PARG: variants seen among roughly 807,000 people sequenced by gnomAD.
PARG encodes the protein poly(ADP-ribose) glycohydrolase.
A neutral mutation model predicts 113.0 loss-of-function variants in PARG; 35 were observed. The ratio of observed to expected loss-of-function variants is 0.31; its 90% CI spans 0.24 to 0.41. The LOEUF (loss-of-function observed/expected upper bound fraction) is 0.41, where lower values mean the gene tolerates loss of function less well. PARG is among the 10% of genes least tolerant of loss of function. The probability of loss-of-function intolerance (pLI) is 1.00; values close to 1 mark genes in which losing one functional copy is unlikely to be tolerated. For missense variants in PARG, 797 were observed against 1,169.4 expected, an observed-to-expected ratio of 0.68 and a Z score of 4.64; for synonymous variants, 330 against 409.9, an observed-to-expected ratio of 0.81 and a Z score of 2.36.
intron 16 of PARG, among the ~76,000 whole-genome samples, chr10:49,824,457 A>G (rs1844253202): frequency 6.6e-6 from 1 of 152,242 alleles, no homozygotes; most frequent in Admixed American, 6.5e-5. Flanking sequence ...TATGTGCCAA[A>G]ATAATCACTT....
rs1843946295 is a variant in PARG at position 49,819,278 on chromosome 10, C to T, written c.*62G>A. The T allele has an allele frequency of 2.2e-6, 3 of 1,350,888 alleles. No individual in the cohort carries two copies. Among genetic ancestry groups the T allele is most frequent in the Non-Finnish European group, 3.1e-6 (3 of 982,720 alleles). The allele number at this position is 1,350,888 out of a possible 1,614,324, so 83.7% of individuals were successfully genotyped here. On this transcript the variant is annotated 3_prime_UTR_variant, in exon 18 of 18. Coordinates refer to ENST00000616448, the MANE Select transcript of PARG (RefSeq NM_003631.5). ...ACTTAAGTCAATTCATATATTACAC[C>T]TGACAGCTCAAACAGGACGTCTCTG...
At chr10:49,936,330 T>C (rs1490116523) in intron 1 of PARG, among the ~76,000 whole-genome samples, 1 of 152,146 alleles carries the variant, frequency 6.6e-6, no homozygotes, top group Non-Finnish European at 1.5e-5. Flanking sequence ...AGTAGAAATA[T>C]GGAATACAAG....
chr10:49,927,956 C>A (rs1287593543), intron 4 of PARG, among the ~76,000 whole-genome samples: 1 of 148,978 alleles, frequency 6.7e-6, no homozygotes, highest in African/African-American at 2.5e-5. Context: ...GGAGTGAGAT[C>A]CTGTCTCTTT....
chr10:49,818,530 AAACATTAGT>A lies in PARG; in HGVS notation c.*801_*809del, dbSNP rs991519162. On this transcript the variant is annotated 3_prime_UTR_variant, in exon 18 of 18. Transcript: ENST00000616448. ...GAATATGCCTCAAGCACCACAAAAGAAACATTAGTCCTAATTTAAAAAGAAAAAAGTACC... is the reference window on the plus strand; with the variant it reads ...GAATATGCCTCAAGCACCACAAAAGACCTAATTTAAAAAGAAAAAAGTACC... The A allele has an allele frequency of 6.6e-6, 1 of 152,616 alleles. No homozygotes were observed. Among genetic ancestry groups the A allele is most frequent in the African/African-American group, 2.4e-5 (1 of 41,458 alleles). The allele number at this position is 152,616 out of a possible 1,614,324, so 9.5% of individuals were successfully genotyped here. A position where few individuals can be genotyped will look rare whatever the true frequency, so the allele number is the denominator to read the frequency against.
intron 8 of PARG, 115 bp downstream of exon 8, chr10:49,885,088 C>T: frequency 1.4e-6 from 1 of 740,676 alleles, no homozygotes; most frequent in Non-Finnish European, 2.5e-6. Context: ...CTCTCTCTCT[C>T]TCTCTCTGTC....
At chr10:49,938,931 TTC>T (rs1838883128) in intron 1 of PARG, among the ~76,000 whole-genome samples, 1 of 152,196 alleles carries the variant, frequency 6.6e-6, no homozygotes, top group African/African-American at 2.4e-5. Flanking sequence ...TCTTCGAACA[TTC>T]TGTTAATTGG....
intron 12 of PARG, among the ~76,000 whole-genome samples, chr10:49,857,745 G>A (rs1846064638): frequency 6.6e-6 from 1 of 151,352 alleles, no homozygotes; most frequent in Admixed American, 6.6e-5. Context: ...ACCTATTTGT[G>A]TCTCATGGGC....
intron 8 of PARG, among the ~76,000 whole-genome samples, chr10:49,882,404 C>T (rs1398104452): frequency 7.3e-5 from 11 of 151,512 alleles, no homozygotes; most frequent in South Asian, 4.2e-4. Context: ...TGCCACAAGA[C>T]GTATTTTGAT....
intron 1 of PARG, among the ~76,000 whole-genome samples, chr10:49,938,445 T>C (rs1321061458): frequency 1.3e-5 from 2 of 152,154 alleles, no homozygotes; most frequent in Non-Finnish European, 2.9e-5. Flanking sequence ...TTAATAGCTA[T>C]AGATACAGCC....
At chr10:49,837,170 C>T (rs11812185) in intron 15 of PARG, among the ~76,000 whole-genome samples, 7 of 151,800 alleles carry the variant, frequency 4.6e-5, no homozygotes, top group Non-Finnish European at 1.0e-4. Flanking sequence ...CCAATAAGAC[C>T]GGTGGAGCCT....
chr10:49,916,812 T>C (rs1214170235), intron 6 of PARG, among the ~76,000 whole-genome samples: 1 of 152,316 alleles, frequency 6.6e-6, no homozygotes, highest in South Asian at 2.1e-4. Context: ...AATAGATATG[T>C]AGAATTTATA....
At chr10:49,828,510 G>C (rs1844484845) in intron 16 of PARG, among the ~76,000 whole-genome samples, 1 of 152,154 alleles carries the variant, frequency 6.6e-6, no homozygotes, top group Admixed American at 6.5e-5. Flanking sequence ...GGTGGCACAG[G>C]CATGCAGGAG....
intron 7 of PARG, among the ~76,000 whole-genome samples, chr10:49,893,461 T>C (rs1314418492): frequency 6.6e-6 from 1 of 152,246 alleles, no homozygotes; most frequent in Non-Finnish European, 1.5e-5. Context: ...TCTGGATACA[T>C]GTCCCTTGTC....
chr10:49,927,615 G>A (rs1434129922), intron 4 of PARG, among the ~76,000 whole-genome samples: 15 of 152,056 alleles, frequency 9.9e-5, no homozygotes, highest in African/African-American at 3.6e-4. Context: ...AGAAATTTAG[G>A]ATTATATTGT....
rs555180610 is a variant in PARG, at chr10:49,914,831, C to T, written c.1737+1086G>A. 1.8e-4 allele frequency among the ~76,000 whole-genome samples: 28 copies of T among 152,262 alleles called. 1 individual carries two copies. In the South Asian group the frequency reaches 4.6e-3, roughly 25 times the overall value. On this transcript the variant is annotated intron_variant, in intron 7 of 17. Transcript: ENST00000616448. ...GAAAAGGTGCCAAGACAATTCAACACGGGATAGAAGAGTCTTTTCAACAAA... is the reference window on the plus strand; with the variant it reads ...GAAAAGGTGCCAAGACAATTCAACATGGGATAGAAGAGTCTTTTCAACAAA...
chr10:49,842,058 C>G lies in PARG; in HGVS notation c.2433G>C (p.Arg811Ser). The change falls in exon 15 of 18, where the codon AGG (arginine) becomes AGC (serine). Residue 811 changes from arginine (R) to serine (S), a missense_variant and splice_region_variant. Arg to Ser is a moderately radical substitution (Grantham distance 110). Transcript: ENST00000616448. ...CAGTGCAGCGCCGCTGCCAGTCGTC[C>G]CTGGGACAGGAAGGAAAGGGGAGAA... The part of the protein sequence containing the change: ...WSRSHEDGSE[R>S]DDWQRRCTEI... The G allele has an allele frequency of 6.5e-7, 1 of 1,545,646 alleles. No individual in the cohort carries two copies. Among genetic ancestry groups the G allele is most frequent in the South Asian group, 1.2e-5 (1 of 83,966 alleles).
chr10:49,843,656 T>C (rs747258839), intron 13 of PARG, 24 bp from the exon 14 acceptor site: 51 of 1,465,804 alleles, frequency 3.5e-5, no homozygotes, highest in Non-Finnish European at 4.5e-5. Flanking sequence ...TCTGTCACTA[T>C]TAACTTCACA....
intron 7 of PARG, among the ~76,000 whole-genome samples, chr10:49,910,180 T>C (rs1238993122): frequency 2.6e-5 from 4 of 152,070 alleles, no homozygotes; most frequent in African/African-American, 7.2e-5. Context: ...TTATTTACAG[T>C]GATAGAGGCT....
intron 6 of PARG, among the ~76,000 whole-genome samples, chr10:49,920,562 G>C (rs1221671487): frequency 9.4e-6 from 1 of 105,846 alleles, no homozygotes; most frequent in South Asian, 3.1e-4. Flanking sequence ...ACATATATAC[G>C]TATATATACG....
Sources: gnomAD v4.1 joint callset for allele counts (sites outside exome capture counted in the v4.1 genomes callset) on GRCh38, gnomAD v4.1.1 for gene constraint, MANE v1.5 for transcripts, NCBI Gene and HGNC (gene_info 2026-07-23, HGNC 2026-07-21) for gene names.